Variants in INTS6 observed in about 807,000 individuals in gnomAD.
The protein encoded by INTS6 is integrator complex subunit 6.
A neutral mutation model predicts 104.9 loss-of-function variants in INTS6; 16 were observed. The observed-to-expected ratio is 0.15, with a 90% CI of 0.10 to 0.23. INTS6 has a LOEUF of 0.23. INTS6 is among the 10% of genes least tolerant of loss of function. INTS6 has a pLI of 1.00. For missense variants in INTS6, 584 were observed against 1,062.8 expected (o/e 0.55, Z 6.26); for synonymous variants, 324 against 358.7 (o/e 0.90, Z 1.09).
At chr13:51,353,899 A>G (rs200136304), downstream of INTS6, among the ~76,000 whole-genome samples, 26 of 152,258 alleles carry the variant, frequency 1.7e-4, no homozygotes, top group East Asian at 4.8e-3. Context: ...AAGAAAAATA[A>G]TATCAGCAGC....
rs745687607 is a variant in INTS6 at position 51,367,918 on chromosome 13, A to G, written c.2477-20T>C. ...CATATTCTTAAAGCAAAAGAAACAA[A>G]AAGAAAAATTAAGTGCCTTTCATTT... On this transcript the variant is annotated intron_variant, in intron 16 of 17. Coordinates refer to ENST00000311234, the MANE Select transcript of INTS6 (RefSeq NM_012141.3). 1.4e-6 allele frequency: 2 copies of G among 1,415,964 alleles called. No individual in the cohort carries two copies. The highest frequency in any genetic ancestry group is 2.5e-5 in the East Asian group (1 of 40,806). The allele number at this position is 1,415,964 out of a possible 1,614,324, so 87.7% of individuals were successfully genotyped here. A position where few individuals can be genotyped will look rare whatever the true frequency, so the allele number is the denominator to read the frequency against.
In INTS6 at chr13:51,424,665, A is replaced by G. The variant is rs544942912; in HGVS notation, c.429+5629T>C. ...GATGAATTGACAGAGACTAACATATACAGTAGTGTTATGCATGTATTTAGA... is the reference window on the plus strand; with the variant it reads ...GATGAATTGACAGAGACTAACATATGCAGTAGTGTTATGCATGTATTTAGA... On this transcript the variant is annotated intron_variant, in intron 4 of 17. Transcript: ENST00000311234. 1.1e-4 allele frequency among the ~76,000 whole-genome samples: 17 copies of G among 152,152 alleles called. No homozygotes were observed. The South Asian group carries it at 1.2e-3, about 11-fold the overall frequency.
chr13:51,433,337 AC>A, intron 3 of INTS6, among the ~76,000 whole-genome samples: 1 of 152,306 alleles, frequency 6.6e-6, no homozygotes, highest in South Asian at 2.1e-4. Context: ...GTGCCCAGCT[AC>A]TCGGGAGGCC....
At chr13:51,345,789 C>T in the INTS6 span, among the ~76,000 whole-genome samples, 2 of 152,324 alleles carry the variant, frequency 1.3e-5, no homozygotes, top group South Asian at 2.1e-4. Context: ...ATTCCCTGCT[C>T]ACATCCTTGT....
chr13:51,367,014 C>T (rs904420571), intron 17 of INTS6, among the ~76,000 whole-genome samples: 36 of 152,010 alleles, frequency 2.4e-4, no homozygotes, highest in Admixed American at 2.3e-3. Context: ...CTTCTTTACA[C>T]AGTGATCCCT....
the INTS6 span, among the ~76,000 whole-genome samples, chr13:51,339,930 A>AAGAAAGAGAG: frequency 6.6e-6 from 1 of 152,048 alleles, no homozygotes; most frequent in African/African-American, 2.4e-5. Context: ...CACACATAGA[A>AAGAAAGAGAG]AGAAAGAGAG....
At chr13:51,373,750 C>T (rs746624903) in intron 15 of INTS6, among the ~76,000 whole-genome samples, 10 of 152,148 alleles carry the variant, frequency 6.6e-5, no homozygotes, top group Non-Finnish European at 1.3e-4. Context: ...ACATCTTTTT[C>T]GTAACATTCA....
intron 4 of INTS6, among the ~76,000 whole-genome samples, chr13:51,428,386 A>T (rs1957022794): frequency 1.4e-5 from 2 of 145,580 alleles, no homozygotes; most frequent in South Asian, 4.3e-4. Context: ...GTGCAGTGGC[A>T]CGGTCTCAGC....
chr13:51,389,224 G>T, intron 6 of INTS6, 95 bp downstream of exon 6: 3 of 1,330,710 alleles, frequency 2.3e-6, no homozygotes, highest in Non-Finnish European at 1.0e-6. Context: ...ATTTGGCCTT[G>T]CCTATCTTAA....
chr13:51,375,727 ATAAGTGGGTGTG>A (rs1352840316), intron 13 of INTS6, among the ~76,000 whole-genome samples: 1 of 141,674 alleles, frequency 7.1e-6, no homozygotes, highest in East Asian at 2.0e-4. Context: ...ATACAGTTTG[ATAAGTGGGTGTG>A]TGTGTGTGTG....
the INTS6 span, chr13:51,339,844 T>C: frequency 6.6e-6 from 1 of 151,602 alleles, no homozygotes; most frequent in Non-Finnish European, 1.5e-5. Flanking sequence ...TTGTGGGAGA[T>C]GGGAGGTTAT....
At chr13:51,434,907 A>G (rs1957159087) in intron 3 of INTS6, among the ~76,000 whole-genome samples, 1 of 152,098 alleles carries the variant, frequency 6.6e-6, no homozygotes, top group Admixed American at 6.5e-5. Context: ...TGAGAGTTAC[A>G]ACTTAATTAC....
At chr13:51,341,360 C>T in the INTS6 span, 1 of 1,569,788 alleles carries the variant, frequency 6.4e-7, no homozygotes, top group Non-Finnish European at 8.6e-7. Context: ...AAGAGGCCTG[C>T]CCACGTGCAC....
intron 3 of INTS6, chr13:51,449,511 G>A (rs754175587): frequency 3.1e-5 from 31 of 985,168 alleles, no homozygotes; most frequent in Admixed American, 6.1e-5. Flanking sequence ...ATAGGTAATA[G>A]GAGGTGAATA....
At chr13:51,407,536 A>G (rs1003258524) in intron 4 of INTS6, among the ~76,000 whole-genome samples, 10 of 152,206 alleles carry the variant, frequency 6.6e-5, no homozygotes, top group African/African-American at 2.2e-4. Context: ...AAACAGACTC[A>G]TAAAAGCAAA....
intron 3 of INTS6, among the ~76,000 whole-genome samples, chr13:51,434,479 G>A (rs1000590083): frequency 2.0e-4 from 31 of 151,976 alleles, no homozygotes; most frequent in East Asian, 1.3e-3. Flanking sequence ...CAATTATCCC[G>A]CCATGCCTAA....
At chr13:51,357,273 G>A (rs1955494691), downstream of INTS6, among the ~76,000 whole-genome samples, 1 of 152,148 alleles carries the variant, frequency 6.6e-6, no homozygotes, top group Non-Finnish European at 1.5e-5. Flanking sequence ...TAGAGACAGG[G>A]CCACCAAATC....
At chr13:51,388,649 T>C (rs1488260280) in intron 6 of INTS6, among the ~76,000 whole-genome samples, 1 of 152,178 alleles carries the variant, frequency 6.6e-6, no homozygotes, top group Admixed American at 6.6e-5. Flanking sequence ...CACCTTGGCC[T>C]CCCAAAGTGC....
the INTS6 span, chr13:51,348,080 G>A: frequency 2.1e-5 from 14 of 656,888 alleles, no homozygotes; most frequent in East Asian, 2.8e-5. Flanking sequence ...GCCTGAAACC[G>A]CCTCCTGAGG....
Sources: gnomAD v4.1 joint callset for allele counts (sites outside exome capture counted in the v4.1 genomes callset) on GRCh38, gnomAD v4.1.1 for gene constraint, MANE v1.5 for transcripts, NCBI Gene and HGNC (gene_info 2026-07-23, HGNC 2026-07-21) for gene names.